The following SENP7 variants were observed in gnomAD, a reference collection of about 807,000 sequenced individuals.
SENP7 encodes the protein sentrin-specific protease 7.
In SENP7, 64 loss-of-function variants were observed where a neutral mutation model predicts 141.2. The ratio of observed to expected loss-of-function variants is 0.45; its 90% CI spans 0.37 to 0.56. SENP7 has a LOEUF of 0.56. Among genes scored for constraint, SENP7 ranks in the 20% least tolerant of loss-of-function variants. The pLI, the probability that SENP7 is intolerant of heterozygous loss-of-function variation, is 0.00. For missense variants in SENP7, 1,025 were observed against 1,212.2 expected (o/e 0.85, Z 2.29); for synonymous variants, 382 against 426.4 (o/e 0.90, Z 1.28).
At chr3:101,344,953 G>C (rs960057662) in intron 13 of SENP7, among the ~76,000 whole-genome samples, 1 of 127,268 alleles carries the variant, frequency 7.9e-6, no homozygotes, top group African/African-American at 3.0e-5. Context: ...ACCAGCCTGA[G>C]GAACATATCG....
chr3:101,493,830 A>ATTGT, intron 3 of SENP7, 43 bp downstream of exon 3: 2 of 1,154,436 alleles, frequency 1.7e-6, no homozygotes, highest in South Asian at 1.5e-5. Flanking sequence ...TAAACATACC[A>ATTGT]AATAAAACTG....
chr3:101,447,038 A>C (rs2062923746), intron 4 of SENP7, among the ~76,000 whole-genome samples: 1 of 152,244 alleles, frequency 6.6e-6, no homozygotes, highest in East Asian at 1.9e-4. Flanking sequence ...TAAGATCGAA[A>C]ACAAAAAGTG....
chr3:101,355,065 G>A (rs149117758), intron 11 of SENP7, among the ~76,000 whole-genome samples: 203 of 151,996 alleles, frequency 1.3e-3, no homozygotes, highest in African/African-American at 4.7e-3. Context: ...CTTTTTCATA[G>A]GGTTGTTTTT....
intron 3 of SENP7, among the ~76,000 whole-genome samples, chr3:101,468,717 A>G (rs566909483): frequency 1.3e-5 from 2 of 152,208 alleles, no homozygotes; most frequent in Non-Finnish European, 2.9e-5. Flanking sequence ...AGCACTAAAC[A>G]TGGAAAGAAA....
chr3:101,398,381 A>T (rs888087815), intron 6 of SENP7, among the ~76,000 whole-genome samples: 2 of 152,282 alleles, frequency 1.3e-5, no homozygotes, highest in Non-Finnish European at 2.9e-5. Context: ...AATCGCTTGA[A>T]CCTGGGAGGC....
chr3:101,353,584 GT>G (rs2059665273), intron 11 of SENP7, among the ~76,000 whole-genome samples: 1 of 151,854 alleles, frequency 6.6e-6, no homozygotes, highest in Non-Finnish European at 1.5e-5. Context: ...TACCAACTTT[GT>G]TTAAACTTAA....
chr3:101,400,872 A>G (rs1174582735), intron 5 of SENP7, among the ~76,000 whole-genome samples: 4 of 152,072 alleles, frequency 2.6e-5, no homozygotes, highest in African/African-American at 9.7e-5. Flanking sequence ...AGGTGGGACA[A>G]TCACTTGAGG....
At chr3:101,401,218 T>C (rs141864999) in intron 5 of SENP7, among the ~76,000 whole-genome samples, 7 of 152,058 alleles carry the variant, frequency 4.6e-5, no homozygotes, top group African/African-American at 1.7e-4. Flanking sequence ...AAAGAATAGT[T>C]CTTGAACAAA....
intron 4 of SENP7, among the ~76,000 whole-genome samples, chr3:101,440,964 A>C (rs962818371): frequency 6.6e-6 from 1 of 152,198 alleles, no homozygotes; most frequent in Non-Finnish European, 1.5e-5. Flanking sequence ...GCCGCTACCA[A>C]ATTAAGAATA....
At chr3:101,441,939 T>C (rs2062691712) in intron 4 of SENP7, among the ~76,000 whole-genome samples, 1 of 152,130 alleles carries the variant, frequency 6.6e-6, no homozygotes, top group African/African-American at 2.4e-5. Flanking sequence ...CAGACACCAA[T>C]ATCACTGATT....
intron 4 of SENP7, among the ~76,000 whole-genome samples, chr3:101,446,170 G>A (rs1158416887): frequency 6.6e-6 from 1 of 152,152 alleles, no homozygotes; most frequent in East Asian, 1.9e-4. Context: ...CTCCAGCCAT[G>A]TACAATGCAC....
At chr3:101,392,083 C>T (rs542136948) in intron 6 of SENP7, among the ~76,000 whole-genome samples, 67 of 152,242 alleles carry the variant, frequency 4.4e-4, no homozygotes, top group African/African-American at 1.5e-3. Context: ...ATGATTAAGG[C>T]CCTATATGAC....
rs1036352214 is a variant in SENP7 at position 101,339,997 on chromosome 3, T to A, written c.2357+98A>T. ...AAATCTGAAATCTTGGCAGGCTACTTTTAACAGAATTTAAAATAATTCAGA... is the reference window on the plus strand; with the variant it reads ...AAATCTGAAATCTTGGCAGGCTACTATTAACAGAATTTAAAATAATTCAGA... On this transcript the variant is annotated intron_variant, in intron 16 of 23. Transcript: ENST00000394095. 1.0e-5 allele frequency: 14 copies of A among 1,401,382 alleles called. No homozygotes were observed. In the Middle Eastern group the frequency reaches 8.0e-4, roughly 80 times the overall value. The allele number at this position is 1,401,382 out of a possible 1,614,324, so 86.8% of individuals were successfully genotyped here.
At position 101,330,255 on chromosome 3, in the gene SENP7, T is replaced by C; in HGVS notation, c.2751+79A>G. 9.6e-6 allele frequency: 10 copies of C among 1,044,480 alleles called. No homozygotes were observed. In the South Asian group the frequency reaches 1.4e-4, roughly 15 times the overall value. 64.7% of individuals were successfully genotyped at this position (1,044,480 alleles called of 1,614,324 possible). A position where few individuals can be genotyped will look rare whatever the true frequency, so the allele number is the denominator to read the frequency against. The stretch of plus-strand genomic sequence containing the variant: ...TAATGATGGGCCAGCATAGCCCACC[T>C]AGCTATGCTCTATTTTACAGATAAC... On this transcript the variant is annotated intron_variant, in intron 20 of 23. Transcript: ENST00000394095.
intron 3 of SENP7, among the ~76,000 whole-genome samples, chr3:101,486,291 C>A (rs2064725725): frequency 6.6e-6 from 1 of 152,118 alleles, no homozygotes; most frequent in South Asian, 2.1e-4. Flanking sequence ...AAGATCTTCA[C>A]CTAGGCACAC....
At chr3:101,477,808 G>A (rs531092172) in intron 3 of SENP7, among the ~76,000 whole-genome samples, 14 of 150,668 alleles carry the variant, frequency 9.3e-5, no homozygotes, top group African/African-American at 2.9e-4. Flanking sequence ...CCAAGATCAC[G>A]CCACTGCACT....
rs2058857008 is a variant in SENP7 at position 101,324,713 on chromosome 3, T to C, written c.*1230A>G. 6.6e-6 allele frequency: 1 copy of C among 152,086 alleles called. No individual in the cohort carries two copies. Among genetic ancestry groups the C allele is most frequent in the Non-Finnish European group, 1.5e-5 (1 of 67,952 alleles). The allele number at this position is 152,086 out of a possible 1,614,324, so 9.4% of individuals were successfully genotyped here. ...AATTTGCCTTTGCTTCACTGCTTTA[T>C]GTAGTTATAATGTAAATCTAAGAGA... On this transcript the variant is annotated 3_prime_UTR_variant, in exon 24 of 24. Coordinates refer to ENST00000394095, the MANE Select transcript of SENP7 (RefSeq NM_020654.5).
intron 5 of SENP7, among the ~76,000 whole-genome samples, chr3:101,411,101 C>G (rs758132028): frequency 7.2e-5 from 11 of 152,082 alleles, no homozygotes; most frequent in Non-Finnish European, 1.5e-4. Context: ...ATTTCTACCT[C>G]TACACATTGA....
intron 7 of SENP7, among the ~76,000 whole-genome samples, chr3:101,370,842 T>A (rs1461184515): frequency 1.3e-5 from 2 of 152,206 alleles, no homozygotes; most frequent in Non-Finnish European, 2.9e-5. Context: ...CAAATAAAAG[T>A]TATTACTGTA....
Sources: gnomAD v4.1 joint callset for allele counts (sites outside exome capture counted in the v4.1 genomes callset) on GRCh38, gnomAD v4.1.1 for gene constraint, MANE v1.5 for transcripts, NCBI Gene and HGNC (gene_info 2026-07-23, HGNC 2026-07-21) for gene names.